The following LMF1 variants were observed in gnomAD, a reference collection of about 807,000 sequenced individuals.
LMF1 encodes transmembrane protein 112.
Under a neutral mutation model 60.6 loss-of-function variants are expected in LMF1, and 68 were observed. The observed-to-expected ratio is 1.12, with a 90% CI of 0.92 to 1.37. The LOEUF is 1.37. Among genes scored for constraint, LMF1 ranks in the 40% most tolerant of loss-of-function variants. LMF1 has a pLI of 0.00. For missense variants in LMF1, 948 were observed against 767.2 expected (o/e 1.24, Z -2.78); for synonymous variants, 418 against 324.7 (o/e 1.29, Z -3.09).
upstream of LMF1, among the ~76,000 whole-genome samples, chr16:973,299 C>G (rs753466265): frequency 2.6e-5 from 4 of 152,090 alleles, no homozygotes; most frequent in Non-Finnish European, 5.9e-5. Context: ...GAGCCTAGAT[C>G]GCGCCACTGC....
chr16:865,014 C>CT (rs2069573419), intron 10 of LMF1, among the ~76,000 whole-genome samples: 1 of 151,132 alleles, frequency 6.6e-6, no homozygotes, highest in South Asian at 2.1e-4. Flanking sequence ...TTTCTGATTT[C>CT]TTTGTTTTTC....
At chr16:875,702 C>A (rs971173338) in intron 6 of LMF1, among the ~76,000 whole-genome samples, 2 of 152,194 alleles carry the variant, frequency 1.3e-5, no homozygotes, top group Non-Finnish European at 2.9e-5. Flanking sequence ...CAGACCAACA[C>A]CCCTGCCTGG....
Position 870,166 on chromosome 16 carries a change from A to AG in LMF1, c.1233-101dup, listed in dbSNP as rs370823606. Reference sequence around the variant, plus strand: ...GTTCCCCGACTGTCCATCCTGGCCCAGGGGGAGGGCTACAGCCTCCACCTG... The same window carrying AG: ...GTTCCCCGACTGTCCATCCTGGCCCAGGGGGGAGGGCTACAGCCTCCACCTG... On this transcript the variant is annotated intron_variant, in intron 8 of 10. Transcript: ENST00000262301. The AG allele has an allele frequency of 3.7e-6, 5 of 1,355,766 alleles. No individual in the cohort carries two copies. In the South Asian group the frequency reaches 5.5e-5, roughly 15 times the overall value. The allele number at this position is 1,355,766 out of a possible 1,614,324, so 84.0% of individuals were successfully genotyped here.
At chr16:911,785 T>C (rs536825070) in intron 3 of LMF1, among the ~76,000 whole-genome samples, 3 of 151,786 alleles carry the variant, frequency 2.0e-5, no homozygotes, top group East Asian at 1.9e-4. Flanking sequence ...CAGATGGGCA[T>C]GGAAGCCAGG....
At chr16:921,329 C>A (rs2071424798) in intron 3 of LMF1, among the ~76,000 whole-genome samples, 1 of 152,216 alleles carries the variant, frequency 6.6e-6, no homozygotes, top group Non-Finnish European at 1.5e-5. Context: ...TCGCCATAGC[C>A]CTTCTTGAGG....
chr16:928,613 G>A (rs1051598358), intron 3 of LMF1, among the ~76,000 whole-genome samples: 1 of 152,034 alleles, frequency 6.6e-6, no homozygotes, highest in Non-Finnish European at 1.5e-5. Context: ...GAGCAGGGGG[G>A]CAAAGGCCTC....
chr16:857,185 T>A (rs1209367029), intron 10 of LMF1, among the ~76,000 whole-genome samples: 1 of 152,240 alleles, frequency 6.6e-6, no homozygotes, highest in Non-Finnish European at 1.5e-5. Context: ...ACAGCTGAGC[T>A]CTTTGCAGTT....
intron 5 of LMF1, among the ~76,000 whole-genome samples, chr16:889,109 T>G (rs1342321679): frequency 2.6e-5 from 4 of 152,154 alleles, no homozygotes; most frequent in Non-Finnish European, 5.9e-5. Flanking sequence ...AGAACTGAGT[T>G]AGCTGCAGGG....
chr16:906,598 G>A (rs1032377767), intron 4 of LMF1, among the ~76,000 whole-genome samples: 13 of 152,152 alleles, frequency 8.5e-5, no homozygotes, highest in Non-Finnish European at 1.9e-4. Flanking sequence ...ACTTGTGATC[G>A]TGGAGTTAAT....
chr16:937,737 A>T (rs1466320434), intron 2 of LMF1, among the ~76,000 whole-genome samples: 1 of 152,230 alleles, frequency 6.6e-6, no homozygotes, highest in Non-Finnish European at 1.5e-5. Flanking sequence ...TTCATGTATA[A>T]ATATTTGTTA....
chr16:866,397 G>A (rs538378692), intron 10 of LMF1, among the ~76,000 whole-genome samples: 31 of 152,176 alleles, frequency 2.0e-4, no homozygotes, highest in Non-Finnish European at 4.4e-4. Context: ...TATGGCGGGG[G>A]TGGCCTAGTC....
intron 9 of LMF1, 95 bp downstream of exon 9, chr16:869,788 G>GC: frequency 7.8e-7 from 1 of 1,278,082 alleles, no homozygotes; most frequent in African/African-American, 1.5e-5. Context: ...CTCCCCACCA[G>GC]CCCCTTCAGT....
chr16:866,890 A>G (rs61270449), intron 10 of LMF1, among the ~76,000 whole-genome samples: 17,977 of 152,080 alleles, frequency 0.12, 3,272 homozygotes, highest in African/African-American at 0.39. Flanking sequence ...GGCGATCACC[A>G]CCATTTTGGG....
intron 5 of LMF1, among the ~76,000 whole-genome samples, chr16:889,243 T>C (rs938922420): frequency 1.3e-5 from 2 of 152,220 alleles, no homozygotes; most frequent in Non-Finnish European, 1.5e-5. Flanking sequence ...GCCCCTTCTC[T>C]TGGAACTTGG....
chr16:979,223 C>T (rs1004984497), intron 1 of LMF1: 9 of 390,920 alleles, frequency 2.3e-5, no homozygotes, highest in South Asian at 3.7e-5. Flanking sequence ...CTCACACCCG[C>T]GGAGGACGAG....
chr16:866,456 C>T (rs140894254), intron 10 of LMF1, among the ~76,000 whole-genome samples: 25 of 152,186 alleles, frequency 1.6e-4, no homozygotes, highest in South Asian at 2.1e-4. Context: ...GTAGCTATTA[C>T]GTAATACCAC....
intron 2 of LMF1, among the ~76,000 whole-genome samples, chr16:939,485 AC>A (rs1271557547): frequency 6.6e-6 from 1 of 152,224 alleles, no homozygotes; most frequent in Non-Finnish European, 1.5e-5. Flanking sequence ...CACGTAACAG[AC>A]CACCCTGTGG....
intron 2 of LMF1, among the ~76,000 whole-genome samples, chr16:942,345 T>C (rs2072121944): frequency 1.3e-5 from 2 of 152,384 alleles, no homozygotes; most frequent in South Asian, 4.1e-4. Flanking sequence ...TATTCGGTAG[T>C]TTGACTACAA....
At chr16:922,521 T>C (rs1010652060) in intron 3 of LMF1, among the ~76,000 whole-genome samples, 2 of 152,194 alleles carry the variant, frequency 1.3e-5, no homozygotes, top group African/African-American at 4.8e-5. Context: ...GTGAAGAAAG[T>C]CGCCTCGGTT....
Sources: gnomAD v4.1 joint callset for allele counts (sites outside exome capture counted in the v4.1 genomes callset) on GRCh38, gnomAD v4.1.1 for gene constraint, MANE v1.5 for transcripts, NCBI Gene and HGNC (gene_info 2026-07-23, HGNC 2026-07-21) for gene names.